Variants in ANO1 observed in about 807,000 individuals in gnomAD.
ANO1 encodes the protein anoctamin-1.
Under a neutral mutation model 124.0 loss-of-function variants are expected in ANO1, and 59 were observed. The observed-to-expected ratio is 0.48, with a 90% CI of 0.39 to 0.59. The LOEUF (loss-of-function observed/expected upper bound fraction) is 0.59, where lower values mean the gene tolerates loss of function less well. Ranked by LOEUF, ANO1 falls within the 20% of genes least tolerant of loss-of-function variation. ANO1 has a pLI of 0.00. For missense variants in ANO1, 1,059 were observed against 1,328.0 expected, an observed-to-expected ratio of 0.80 and a Z score of 3.15; for synonymous variants, 529 against 532.0, an observed-to-expected ratio of 0.99 and a Z score of 0.08.
chr11:69,983,347 A>G (rs1318830645), upstream of ANO1, among the ~76,000 whole-genome samples: 17 of 152,280 alleles, frequency 1.1e-4, no homozygotes, highest in African/African-American at 4.1e-4. Flanking sequence ...CCGCCTCGCC[A>G]AAAAGGGAAA....
chr11:70,054,641 T>A (rs1411121537), intron 1 of ANO1, among the ~76,000 whole-genome samples: 3 of 152,280 alleles, frequency 2.0e-5, no homozygotes, highest in Non-Finnish European at 4.4e-5. Context: ...TGGTCTCCAC[T>A]CTTGTGAGGG....
In ANO1 at chr11:70,084,429, A is replaced by T. The variant is rs114463145; in HGVS notation, c.109-3323A>T. Among the ~76,000 whole-genome samples the T allele has an allele frequency of 5.0e-3, 766 of 152,246 alleles. 2 individuals are homozygous for T. The highest frequency in any genetic ancestry group is 0.017 in the African/African-American group (712 of 41,544). On this transcript the variant is annotated intron_variant, in intron 1 of 25. Coordinates refer to ENST00000355303, the MANE Select transcript of ANO1 (RefSeq NM_018043.7). ...CCCAGGTGCCTGGCCCCAGAATTAG[A>T]TGGAGCGTCCATCCTGGCACGTTCT... is the stretch of plus-strand genomic sequence containing the variant.
intron 1 of ANO1, among the ~76,000 whole-genome samples, chr11:70,026,816 C>T (rs1856915993): frequency 1.3e-5 from 2 of 152,200 alleles, no homozygotes; most frequent in Admixed American, 6.5e-5. Context: ...TGGTCTGGCA[C>T]TGCCACTGTG....
In ANO1 at chr11:70,149,750, A is replaced by T. The variant is rs748058941; in HGVS notation, c.1299A>T (p.Arg433=). Residue 433 remains arginine, a synonymous_variant, in exon 12 of 26, where the codon CGA becomes CGT. Coordinates refer to ENST00000355303, the MANE Select transcript of ANO1 (RefSeq NM_018043.7). ...AGCACTGGAAGCGGAAACAGATGCGACTCAACTACCGCTGGGACCTCACGG... is the reference window on the plus strand; with the variant it reads ...AGCACTGGAAGCGGAAACAGATGCGTCTCAACTACCGCTGGGACCTCACGG... ...FMEHWKRKQM[R]LNYRWDLTGF... is the part of the protein sequence containing the mutation. The T allele has an allele frequency of 6.2e-7, 1 of 1,613,470 alleles. No homozygotes were observed. Among genetic ancestry groups the T allele is most frequent in the Non-Finnish European group, 8.5e-7 (1 of 1,179,808 alleles).
chr11:69,993,188 C>A (rs1292434009), intron 1 of ANO1, among the ~76,000 whole-genome samples: 1 of 152,186 alleles, frequency 6.6e-6, no homozygotes, highest in Non-Finnish European at 1.5e-5. Flanking sequence ...CCCTTGTTTG[C>A]CCCTGGGTGT....
chr11:70,147,879 C>T lies in ANO1; in HGVS notation c.1259-1831C>T, dbSNP rs114624290. Among the ~76,000 whole-genome samples, 1,450 of 152,308 alleles carry T rather than the reference C, an allele frequency of 9.5e-3. 30 individuals are homozygous for T. Among genetic ancestry groups the T allele is most frequent in the African/African-American group, 0.033 (1,365 of 41,570 alleles). ...GTCATCTCTGGGTGGTCCCACCATC[C>T]CCCGTGTGGCTTCTCAGCTTTTCCA... On this transcript the variant is annotated intron_variant, in intron 11 of 25. Transcript: ENST00000355303.
At chr11:70,105,704 T>C in intron 4 of ANO1, 30 bp from the exon 5 acceptor site, 1 of 1,609,806 alleles carries the variant, frequency 6.2e-7, no homozygotes, top group Non-Finnish European at 8.5e-7. Flanking sequence ...TGGTGAACTG[T>C]GTCTTGTTTC....
intron 11 of ANO1, among the ~76,000 whole-genome samples, chr11:70,148,288 G>T (rs1388325816): frequency 6.6e-6 from 1 of 152,000 alleles, no homozygotes; most frequent in Non-Finnish European, 1.5e-5. Context: ...GTAAAATGGA[G>T]GGGATGGGAA....
intron 1 of ANO1, among the ~76,000 whole-genome samples, chr11:70,020,603 C>T (rs1856785524): frequency 6.6e-6 from 1 of 152,172 alleles, no homozygotes; most frequent in African/African-American, 2.4e-5. Context: ...TCCCTACCAA[C>T]CCCAAGAACA....
At position 70,152,611 on chromosome 11, in the gene ANO1, T is replaced by C; in HGVS notation, c.1353+150T>C. 8.4e-6 allele frequency: 8 copies of C among 946,846 alleles called. No individual in the cohort carries two copies. The South Asian group carries it at 1.2e-4, about 14-fold the overall frequency. 58.7% of individuals were successfully genotyped at this position (946,846 alleles called of 1,614,324 possible). ...CTGCTTTCTCCCCACCTCCGGTCTC[T>C]CCTAACCTGTTCTTTCCTTCCAGCA... is the stretch of plus-strand genomic sequence containing the variant. On this transcript the variant is annotated intron_variant, in intron 13 of 25. Transcript: ENST00000355303.
At chr11:69,979,673 C>A in the ANO1 span, among the ~76,000 whole-genome samples, 1 of 152,176 alleles carries the variant, frequency 6.6e-6, no homozygotes, top group Non-Finnish European at 1.5e-5. Flanking sequence ...CACACAGAAG[C>A]AATCCTCATT....
chr11:70,027,330 C>T (rs1856924686), intron 1 of ANO1, among the ~76,000 whole-genome samples: 1 of 152,174 alleles, frequency 6.6e-6, no homozygotes, highest in South Asian at 2.1e-4. Context: ...AGAATCATCT[C>T]ACACAAAGCC....
chr11:70,055,650 A>C (rs1239586809), intron 1 of ANO1, among the ~76,000 whole-genome samples: 2 of 152,108 alleles, frequency 1.3e-5, no homozygotes, highest in African/African-American at 4.8e-5. Flanking sequence ...TGGAATATTT[A>C]GACCATTTAT....
upstream of ANO1, among the ~76,000 whole-genome samples, chr11:70,074,074 G>T (rs1212859217): frequency 1.3e-5 from 2 of 152,138 alleles, no homozygotes; most frequent in Non-Finnish European, 2.9e-5. Flanking sequence ...AGCCCAAGTT[G>T]CTTTTAGGAG....
At chr11:70,063,140 A>G (rs996707157) in intron 1 of ANO1, among the ~76,000 whole-genome samples, 3 of 152,180 alleles carry the variant, frequency 2.0e-5, no homozygotes, top group African/African-American at 7.2e-5. Flanking sequence ...CATATTGGCC[A>G]GGCTGGTTTC....
intron 11 of ANO1, among the ~76,000 whole-genome samples, chr11:70,149,206 A>G (rs905877797): frequency 2.6e-5 from 4 of 151,980 alleles, no homozygotes; most frequent in Non-Finnish European, 4.4e-5. Context: ...CTCGGTCGGG[A>G]CTTGAGTGTC....
the ANO1 span, among the ~76,000 whole-genome samples, chr11:69,978,560 A>G: frequency 2.6e-5 from 4 of 152,200 alleles, no homozygotes; most frequent in Non-Finnish European, 5.9e-5. Context: ...CATGTTTCCC[A>G]GGCTGGTCTC....
intron 16 of ANO1, among the ~76,000 whole-genome samples, chr11:70,157,842 T>C (rs1335997697): frequency 6.6e-6 from 1 of 151,932 alleles, no homozygotes; most frequent in African/African-American, 2.4e-5. Context: ...TTAGCTGGCG[T>C]GGTCGTGCGC....
intron 5 of ANO1, 143 bp downstream of exon 5, chr11:70,105,931 A>G: frequency 2.1e-6 from 2 of 936,812 alleles, no homozygotes; most frequent in Non-Finnish European, 1.6e-6. Flanking sequence ...AATGAAAGGG[A>G]GAGGGCAACG....
Sources: gnomAD v4.1 joint callset for allele counts (sites outside exome capture counted in the v4.1 genomes callset) on GRCh38, gnomAD v4.1.1 for gene constraint, MANE v1.5 for transcripts, NCBI Gene and HGNC (gene_info 2026-07-23, HGNC 2026-07-21) for gene names.